The following ASCC3 variants were observed in gnomAD, a reference collection of about 807,000 sequenced individuals.
ASCC3 encodes the protein activating signal cointegrator 1 complex subunit 3.
ASCC3 carries 158 observed loss-of-function variants against 256.3 expected under a neutral mutation model. That is an observed-to-expected ratio of 0.62 (90% CI 0.54 to 0.70). The LOEUF is 0.70. Ranked by LOEUF, ASCC3 falls within the 30% of genes least tolerant of loss-of-function variation. The pLI is 0.00. For missense variants in ASCC3, 2,259 were observed against 2,626.0 expected, an observed-to-expected ratio of 0.86 and a Z score of 3.05; for synonymous variants, 948 against 883.4, an observed-to-expected ratio of 1.07 and a Z score of -1.30.
intron 8 of ASCC3, among the ~76,000 whole-genome samples, chr6:100,787,890 T>C (rs896406025): frequency 6.6e-6 from 1 of 151,618 alleles, no homozygotes; most frequent in South Asian, 2.1e-4. Flanking sequence ...CAGAAGAAAA[T>C]TACGAAGAAA....
intron 4 of ASCC3, among the ~76,000 whole-genome samples, chr6:100,837,431 C>A (rs984360246): frequency 6.6e-6 from 1 of 152,122 alleles, no homozygotes; most frequent in African/African-American, 2.4e-5. Flanking sequence ...GAGATACCTG[C>A]ACTCCCATAT....
intron 37 of ASCC3, among the ~76,000 whole-genome samples, chr6:100,531,944 A>G (rs938825902): frequency 6.6e-6 from 1 of 152,062 alleles, no homozygotes; most frequent in African/African-American, 2.4e-5. Flanking sequence ...TACACAATAC[A>G]ATATTCTAAA....
In ASCC3 at chr6:100,606,855, A is replaced by G. The variant is rs1772914037; in HGVS notation, c.4929T>C (p.Leu1643=). The G allele has an allele frequency of 1.2e-6, 2 of 1,611,610 alleles. No individual in the cohort carries two copies. The highest frequency in any genetic ancestry group is 8.5e-7 in the Non-Finnish European group (1 of 1,178,868). Residue 1643 remains leucine, a synonymous_variant, in exon 32 of 42, where the codon CTT becomes CTC. Coordinates refer to ENST00000369162, the MANE Select transcript of ASCC3 (RefSeq NM_006828.4). ...ELFVNCKVQV[L]IATSTLAWGV... ...CCCAGGCTAATGTGCTTGTAGCAAT[A>G]AGAACCTAAAAAGCAAAATAAAATA...
chr6:100,757,959 C>T (rs1330781645), intron 10 of ASCC3, among the ~76,000 whole-genome samples: 2 of 152,184 alleles, frequency 1.3e-5, no homozygotes, highest in Admixed American at 6.6e-5. Flanking sequence ...ACCAGCCAAA[C>T]ACCACAGAGA....
intron 24 of ASCC3, 28 bp from the exon 25 acceptor site, chr6:100,638,849 C>G: frequency 6.4e-7 from 1 of 1,574,158 alleles, no homozygotes; most frequent in Non-Finnish European, 8.7e-7. Context: ...GATGGCTATA[C>G]GACAATTGAA....
intron 4 of ASCC3, among the ~76,000 whole-genome samples, chr6:100,810,500 G>A (rs184868610): frequency 2.0e-4 from 30 of 152,164 alleles, no homozygotes; most frequent in East Asian, 1.7e-3. Flanking sequence ...TGTTGTATTC[G>A]TAACAGTATT....
intron 25 of ASCC3, 69 bp downstream of exon 25, chr6:100,638,532 G>A (rs1774956925): frequency 7.6e-7 from 1 of 1,318,162 alleles, no homozygotes; most frequent in Admixed American, 1.9e-5. Context: ...AATATATTTA[G>A]AACTGTCTAG....
intron 39 of ASCC3, among the ~76,000 whole-genome samples, chr6:100,515,131 C>T (rs959950239): frequency 2.0e-5 from 3 of 152,134 alleles, no homozygotes; most frequent in African/African-American, 4.8e-5. Flanking sequence ...AATTTTTCAT[C>T]GTATCTAAAA....
intron 13 of ASCC3, among the ~76,000 whole-genome samples, chr6:100,711,797 C>T (rs990088537): frequency 1.2e-4 from 19 of 152,188 alleles, no homozygotes; most frequent in African/African-American, 4.3e-4. Context: ...AGAAATGCCA[C>T]CACAATTAAA....
intron 10 of ASCC3, among the ~76,000 whole-genome samples, chr6:100,752,493 A>G (rs9485367): frequency 0.019 from 2,944 of 152,200 alleles, 89 homozygotes; most frequent in African/African-American, 0.068. Context: ...TCAGTTTGTT[A>G]ATACCTTCAG....
chr6:100,773,346 T>C (rs185521176), intron 8 of ASCC3, among the ~76,000 whole-genome samples: 38 of 152,306 alleles, frequency 2.5e-4, no homozygotes, highest in African/African-American at 8.2e-4. Flanking sequence ...TATAGACTTA[T>C]GACAAGAAAC....
Position 100,647,370 on chromosome 6 carries a change from G to C in ASCC3, c.3334C>G (p.Leu1112Val). ...WPTMTYRLLN[L>V]SKVIDKRLWG... ...AGCCTCTTGTCAATGACTTTACTAA[G>C]ATTCAGGAGCCTGTAGGTCATGGTA... is the stretch of plus-strand genomic sequence containing the variant. The change falls in exon 21 of 42, where the codon CTT becomes GTT. Residue 1112 changes from leucine (L) to valine (V), a missense_variant. Leu to Val is a conservative substitution (Grantham distance 32). This residue lies in a region of ASCC3 where 1,839 missense variants were observed against 2,206.7 expected (regional missense o/e 0.83). Transcript: ENST00000369162. 1 of 1,614,002 alleles carries C rather than the reference G, an allele frequency of 6.2e-7. No homozygotes were observed. Among genetic ancestry groups the C allele is most frequent in the Non-Finnish European group, 8.5e-7 (1 of 1,179,958 alleles).
intron 13 of ASCC3, among the ~76,000 whole-genome samples, chr6:100,707,335 C>A (rs922699664): frequency 1.3e-5 from 2 of 151,704 alleles, no homozygotes; most frequent in African/African-American, 4.8e-5. Flanking sequence ...ATGCTTCTGT[C>A]ATATTTTTGA....
At chr6:100,855,082 T>C (rs1265298337) in intron 3 of ASCC3, among the ~76,000 whole-genome samples, 1 of 151,514 alleles carries the variant, frequency 6.6e-6, no homozygotes, top group Non-Finnish European at 1.5e-5. Context: ...ACTAATCTAC[T>C]AATAAACTAA....
chr6:100,551,833 AGT>A (rs1769316843), intron 36 of ASCC3, among the ~76,000 whole-genome samples: 1 of 152,010 alleles, frequency 6.6e-6, no homozygotes, highest in South Asian at 2.1e-4. Flanking sequence ...TTCTGCTTCC[AGT>A]GTTTGAAATA....
chr6:100,763,004 C>T (rs942554186), intron 10 of ASCC3, among the ~76,000 whole-genome samples: 1 of 151,906 alleles, frequency 6.6e-6, no homozygotes, highest in Non-Finnish European at 1.5e-5. Flanking sequence ...AACTTATTTA[C>T]CAAAAATATA....
At chr6:100,732,993 T>C (rs371689670) in intron 10 of ASCC3, among the ~76,000 whole-genome samples, 22 of 152,296 alleles carry the variant, frequency 1.4e-4, no homozygotes, top group African/African-American at 4.8e-4. Flanking sequence ...TTATTTGCTA[T>C]TGGTTTTGAA....
chr6:100,650,744 T>TTGGGGC (rs1164075265), intron 19 of ASCC3, 30 bp from the exon 20 acceptor site: 2 of 1,553,204 alleles, frequency 1.3e-6, no homozygotes, highest in African/African-American at 2.7e-5. Context: ...TATTGGAATT[T>TTGGGGC]TGGGGCTGAT....
intron 4 of ASCC3, among the ~76,000 whole-genome samples, chr6:100,832,218 C>T (rs1389562729): frequency 6.6e-6 from 1 of 151,978 alleles, no homozygotes; most frequent in Non-Finnish European, 1.5e-5. Context: ...AGAAAGAACG[C>T]TTATAAAGGA....
Sources: allele counts gnomAD v4.1 joint callset (sites outside exome capture counted in the v4.1 genomes callset), GRCh38; gene constraint gnomAD v4.1.1; regional missense constraint gnomAD v4.1.1; transcripts MANE v1.5; gene names NCBI Gene and HGNC (gene_info 2026-07-23, HGNC 2026-07-21).